The following ARHGEF26 variants were observed in gnomAD, a reference collection of about 807,000 sequenced individuals.
The protein encoded by ARHGEF26 is Rho guanine nucleotide exchange factor 26.
ARHGEF26 carries 59 observed loss-of-function variants against 89.4 expected under a neutral mutation model. The ratio of observed to expected loss-of-function variants is 0.66; its 90% CI spans 0.54 to 0.82. The LOEUF is 0.82. Among genes scored for constraint, ARHGEF26 ranks in the 40% least tolerant of loss-of-function variants. The probability of loss-of-function intolerance (pLI) is 0.00; values close to 1 mark genes in which losing one functional copy is unlikely to be tolerated. For synonymous variants in ARHGEF26, 500 were observed against 428.4 expected (o/e 1.17, Z -2.06); for missense variants, 1,234 against 1,085.6 (o/e 1.14, Z -1.92).
chr3:154,211,635 G>A (rs1715366041), intron 9 of ARHGEF26, among the ~76,000 whole-genome samples: 1 of 152,166 alleles, frequency 6.6e-6, no homozygotes, highest in African/African-American at 2.4e-5. Flanking sequence ...TGGTTCTTAT[G>A]AAGGTGTTTT....
chr3:154,250,511 T>C (rs959395882), intron 12 of ARHGEF26, among the ~76,000 whole-genome samples: 7 of 152,166 alleles, frequency 4.6e-5, no homozygotes, highest in African/African-American at 1.4e-4. Context: ...GAGATGCTAT[T>C]AGCATCCAGG....
intron 4 of ARHGEF26, among the ~76,000 whole-genome samples, chr3:154,149,007 C>T (rs922831404): frequency 1.3e-5 from 2 of 152,082 alleles, no homozygotes; most frequent in Non-Finnish European, 2.9e-5. Context: ...ATAATATTGA[C>T]TAAAAGCATG....
At chr3:154,243,903 A>G (rs1189265007) in intron 12 of ARHGEF26, among the ~76,000 whole-genome samples, 1 of 152,256 alleles carries the variant, frequency 6.6e-6, no homozygotes, top group Non-Finnish European at 1.5e-5. Flanking sequence ...GTTACATGCC[A>G]TGTTTGCAAA....
chr3:154,254,150 C>T (rs760406680), intron 13 of ARHGEF26, among the ~76,000 whole-genome samples: 1 of 152,134 alleles, frequency 6.6e-6, no homozygotes, highest in Non-Finnish European at 1.5e-5. Flanking sequence ...CTCCTGACCT[C>T]GTGATCCGCC....
chr3:154,179,786 C>T (rs190925357), intron 6 of ARHGEF26, among the ~76,000 whole-genome samples: 430 of 152,284 alleles, frequency 2.8e-3, no homozygotes, highest in Non-Finnish European at 4.2e-3. Context: ...GGGAATGGAA[C>T]AAGAGGTTAG....
intron 9 of ARHGEF26, among the ~76,000 whole-genome samples, chr3:154,205,304 CTGATA>C (rs1714948840): frequency 6.6e-6 from 1 of 151,934 alleles, no homozygotes; most frequent in South Asian, 2.1e-4. Flanking sequence ...TCCATTGTGT[CTGATA>C]TAAGTATAGC....
intron 11 of ARHGEF26, among the ~76,000 whole-genome samples, chr3:154,227,408 G>A (rs1317465929): frequency 6.7e-6 from 1 of 150,064 alleles, no homozygotes; most frequent in Admixed American, 6.7e-5. Flanking sequence ...CCATTCTCCT[G>A]CCTCAGCCTC....
At chr3:154,204,960 C>T (rs1287773716) in intron 9 of ARHGEF26, among the ~76,000 whole-genome samples, 1 of 151,966 alleles carries the variant, frequency 6.6e-6, no homozygotes, top group African/African-American at 2.4e-5. Context: ...GAGAATGATC[C>T]AAAGAATGTG....
At chr3:154,189,614 C>A (rs1713825017) in intron 7 of ARHGEF26, among the ~76,000 whole-genome samples, 1 of 151,994 alleles carries the variant, frequency 6.6e-6, no homozygotes, top group Admixed American at 6.6e-5. Context: ...TGGGATTACA[C>A]GCGTAAGCCA....
At chr3:154,177,182 G>A (rs1328029514) in intron 6 of ARHGEF26, among the ~76,000 whole-genome samples, 1 of 152,190 alleles carries the variant, frequency 6.6e-6, no homozygotes, top group East Asian at 1.9e-4. Context: ...CCCTAAAGAA[G>A]TAACGTATTT....
intron 11 of ARHGEF26, among the ~76,000 whole-genome samples, chr3:154,226,776 G>A (rs898814626): frequency 5.9e-5 from 9 of 151,788 alleles, no homozygotes; most frequent in East Asian, 1.9e-4. Flanking sequence ...TAAATATTCC[G>A]TCTTTCCTAG....
chr3:154,122,148 G>T lies in ARHGEF26; in HGVS notation c.156G>T (p.Pro52=), dbSNP rs769549233. ...SPNGLLITDF[P]VEDGGTLLAA... ...ACGGGTTACTAATTACGGATTTCCC[G>T]GTGGAGGACGGAGGGACGCTCCTCG... The change falls in exon 2 of 15, where the codon CCG becomes CCT. Residue 52 remains proline, a synonymous_variant. Transcript: ENST00000465093. 1 of 1,601,302 alleles carries T rather than the reference G, an allele frequency of 6.2e-7. No individual in the cohort carries two copies. The highest frequency in any genetic ancestry group is 2.3e-5 in the East Asian group (1 of 44,100).
chr3:154,147,953 C>G (rs1719796889), intron 4 of ARHGEF26, among the ~76,000 whole-genome samples: 1 of 152,196 alleles, frequency 6.6e-6, no homozygotes, highest in Non-Finnish European at 1.5e-5. Flanking sequence ...TGGGTTTCAT[C>G]TCTCCACCTT....
chr3:154,220,181 A>G (rs945219485), intron 10 of ARHGEF26, among the ~76,000 whole-genome samples: 6 of 152,206 alleles, frequency 3.9e-5, no homozygotes, highest in African/African-American at 7.2e-5. Flanking sequence ...TAGAGGTTCA[A>G]TGAGGTTAAA....
At chr3:154,186,162 CACA>C (rs1713519847) in intron 6 of ARHGEF26, among the ~76,000 whole-genome samples, 2 of 151,636 alleles carry the variant, frequency 1.3e-5, no homozygotes, top group African/African-American at 4.9e-5. Flanking sequence ...CACACACACA[CACA>C]CCCCTATACA....
chr3:154,172,076 A>G (rs1712482065), intron 6 of ARHGEF26, among the ~76,000 whole-genome samples: 1 of 152,198 alleles, frequency 6.6e-6, no homozygotes, highest in African/African-American at 2.4e-5. Context: ...TGCCATGTCA[A>G]TGAGATACAG....
At chr3:154,240,646 T>G in intron 12 of ARHGEF26, 67 bp downstream of exon 12, 1 of 1,419,608 alleles carries the variant, frequency 7.0e-7, no homozygotes, top group Non-Finnish European at 9.5e-7. Flanking sequence ...TTCTTTGGTT[T>G]ACAGACTTCC....
chr3:154,216,533 ATATT>A (rs1471415842), intron 9 of ARHGEF26, among the ~76,000 whole-genome samples: 7 of 137,254 alleles, frequency 5.1e-5, no homozygotes, highest in Non-Finnish European at 9.4e-5. Context: ...TCTATACAAA[ATATT>A]TATTTTTTTA....
chr3:154,205,121 A>G (rs1260199127), intron 9 of ARHGEF26, among the ~76,000 whole-genome samples: 1 of 152,188 alleles, frequency 6.6e-6, no homozygotes, highest in East Asian at 1.9e-4. Context: ...TCTAGCTATT[A>G]TGGTACTATG....
Sources: allele counts gnomAD v4.1 joint callset (sites outside exome capture counted in the v4.1 genomes callset), GRCh38; gene constraint gnomAD v4.1.1; transcripts MANE v1.5; gene names NCBI Gene and HGNC (gene_info 2026-07-23, HGNC 2026-07-21).